Variants in ST6GALNAC3 observed in about 807,000 individuals in gnomAD.
The protein encoded by ST6GALNAC3 is alpha-N-acetylgalactosaminide alpha-2,6-sialyltransferase 3.
A neutral mutation model predicts 32.7 loss-of-function variants in ST6GALNAC3; 25 were observed. That is an observed-to-expected ratio of 0.76 (90% CI 0.56 to 1.07). The LOEUF is 1.07. ST6GALNAC3 is among the 50% of genes least tolerant of loss of function. ST6GALNAC3 has a pLI of 0.00. For missense variants in ST6GALNAC3, 355 were observed against 382.4 expected (o/e 0.93, Z 0.60); for synonymous variants, 129 against 133.1 (o/e 0.97, Z 0.21).
At chr1:76,260,509 A>G (rs1241937302) in intron 1 of ST6GALNAC3, among the ~76,000 whole-genome samples, 1 of 152,192 alleles carries the variant, frequency 6.6e-6, no homozygotes, top group Non-Finnish European at 1.5e-5. Context: ...CAGCCCTATG[A>G]GATAGGGTAT....
At position 76,630,889 on chromosome 1, in the gene ST6GALNAC3, A is replaced by G; in HGVS notation, c.*2083A>G. 1 of 985,716 alleles carries G rather than the reference A, an allele frequency of 1.0e-6. No individual in the cohort carries two copies. Among genetic ancestry groups the G allele is most frequent in the Non-Finnish European group, 1.2e-6 (1 of 829,860 alleles). 61.1% of individuals were successfully genotyped at this position (985,716 alleles called of 1,614,324 possible). On this transcript the variant is annotated 3_prime_UTR_variant, in exon 5 of 5. Coordinates refer to ENST00000328299, the MANE Select transcript of ST6GALNAC3 (RefSeq NM_152996.4). The stretch of plus-strand genomic sequence containing the variant: ...CAGAGACAAATGTTAAAATTGCCAT[A>G]CAGACTGTTTTTCCCCCTGTTGTTT...
intron 3 of ST6GALNAC3, chr1:76,576,969 A>G (rs997724336): frequency 7.8e-7 from 1 of 1,283,878 alleles, no homozygotes; most frequent in Non-Finnish European, 1.0e-6. Context: ...AAACAAACAA[A>G]ACTAAGCAAG....
intron 3 of ST6GALNAC3, among the ~76,000 whole-genome samples, chr1:76,442,417 C>T (rs1230256407): frequency 6.6e-6 from 1 of 152,182 alleles, no homozygotes; most frequent in East Asian, 1.9e-4. Context: ...TGATTTTCCA[C>T]TCTTTTGGAA....
At chr1:76,135,643 A>G (rs1293788425) in intron 1 of ST6GALNAC3, among the ~76,000 whole-genome samples, 2 of 152,166 alleles carry the variant, frequency 1.3e-5, no homozygotes, top group Non-Finnish European at 2.9e-5. Flanking sequence ...TATCCCATCT[A>G]TCATGCCATG....
At chr1:76,607,727 C>A (rs181153896) in intron 3 of ST6GALNAC3, among the ~76,000 whole-genome samples, 2 of 152,238 alleles carry the variant, frequency 1.3e-5, no homozygotes, top group Admixed American at 1.3e-4. Flanking sequence ...GGAGACAGAA[C>A]CAAAGTGCAA....
chr1:76,083,347 GGCT>G (rs1646923599), intron 1 of ST6GALNAC3, among the ~76,000 whole-genome samples: 1 of 152,246 alleles, frequency 6.6e-6, no homozygotes, highest in Non-Finnish European at 1.5e-5. Flanking sequence ...TTTGCTGCGC[GGCT>G]GGCCGCGACA....
Position 76,631,747 on chromosome 1 carries a change from G to A in ST6GALNAC3, c.*2941G>A, listed in dbSNP as rs1423808515. 6.6e-6 allele frequency: 1 copy of A among 151,846 alleles called. No homozygotes were observed. The highest frequency in any genetic ancestry group is 1.5e-5 in the Non-Finnish European group (1 of 67,926). The allele number at this position is 151,846 out of a possible 1,614,324, so 9.4% of individuals were successfully genotyped here. On this transcript the variant is annotated 3_prime_UTR_variant, in exon 5 of 5. Coordinates refer to ENST00000328299, the MANE Select transcript of ST6GALNAC3 (RefSeq NM_152996.4). Reference sequence around the variant, plus strand: ...TTCTTGGAAAATGAACTATAAAAAAGGGTCACAATTTTTCTGAAATTGGCA... The same window carrying A: ...TTCTTGGAAAATGAACTATAAAAAAAGGTCACAATTTTTCTGAAATTGGCA...
intron 1 of ST6GALNAC3, among the ~76,000 whole-genome samples, chr1:76,075,663 A>T (rs995338342): frequency 6.6e-6 from 1 of 151,124 alleles, no homozygotes; most frequent in African/African-American, 2.4e-5. Flanking sequence ...TGAGGGCCTC[A>T]CTTAAAAAGA....
At chr1:76,321,298 A>G (rs1188097266) in intron 2 of ST6GALNAC3, among the ~76,000 whole-genome samples, 3 of 152,230 alleles carry the variant, frequency 2.0e-5, no homozygotes, top group Admixed American at 6.5e-5. Context: ...TTCCCAAGAC[A>G]GAATGAGACA....
rs182910054 is a variant in ST6GALNAC3, at chr1:76,613,651, G to A, written c.624-13801G>A. On this transcript the variant is annotated intron_variant, in intron 3 of 4. Coordinates refer to ENST00000328299, the MANE Select transcript of ST6GALNAC3 (RefSeq NM_152996.4). ...TCCCCCTTGCTGTTCTCCGGACAGT[G>A]AGTGAGTTCTCACAAGACCTGGTTG... Among the ~76,000 whole-genome samples, 3 of 152,316 alleles carry A rather than the reference G, an allele frequency of 2.0e-5. No individual in the cohort carries two copies. The East Asian group carries it at 5.8e-4, about 29-fold the overall frequency.
At chr1:76,174,289 G>A (rs182535903) in intron 1 of ST6GALNAC3, among the ~76,000 whole-genome samples, 13 of 152,280 alleles carry the variant, frequency 8.5e-5, no homozygotes, top group African/African-American at 2.9e-4. Context: ...GACACAGAGA[G>A]TGGAACAATG....
intron 2 of ST6GALNAC3, among the ~76,000 whole-genome samples, chr1:76,317,230 C>T (rs1164231784): frequency 1.3e-5 from 2 of 152,158 alleles, no homozygotes; most frequent in African/African-American, 4.8e-5. Flanking sequence ...CCCACCCCTA[C>T]CACCATGTCT....
intron 1 of ST6GALNAC3, among the ~76,000 whole-genome samples, chr1:76,229,613 T>G (rs1257439582): frequency 1.3e-5 from 2 of 152,224 alleles, no homozygotes; most frequent in African/African-American, 4.8e-5. Context: ...GAGGGCCTAG[T>G]TGGGCAAGAA....
At chr1:76,566,742 A>G (rs1665577796) in intron 3 of ST6GALNAC3, among the ~76,000 whole-genome samples, 1 of 152,138 alleles carries the variant, frequency 6.6e-6, no homozygotes, top group African/African-American at 2.4e-5. Context: ...TAGCACTTAC[A>G]TTGTGATAAT....
intron 3 of ST6GALNAC3, among the ~76,000 whole-genome samples, chr1:76,605,790 A>G (rs947879190): frequency 6.5e-5 from 9 of 138,810 alleles, no homozygotes; most frequent in African/African-American, 2.4e-4. Context: ...ACTTGAACCC[A>G]AGTGGCAGAG....
At chr1:76,113,120 G>A (rs1486535473) in intron 1 of ST6GALNAC3, among the ~76,000 whole-genome samples, 3 of 152,136 alleles carry the variant, frequency 2.0e-5, no homozygotes, top group Non-Finnish European at 4.4e-5. Context: ...CGGATCACTC[G>A]CGGTTAGGAG....
Position 76,402,038 on chromosome 1 carries a change from A to ATTT in ST6GALNAC3, c.214-9963_214-9961dup, listed in dbSNP as rs10665444. ...TTCGATGGTTTAGAGATGAATTTATATTTTTTTTTGCAGCTAAGTTATTTT... is the reference window on the plus strand; with the variant it reads ...TTCGATGGTTTAGAGATGAATTTATATTTTTTTTTTTTGCAGCTAAGTTATTTT... On this transcript the variant is annotated intron_variant, in intron 2 of 4. Coordinates refer to ENST00000328299, the MANE Select transcript of ST6GALNAC3 (RefSeq NM_152996.4). 8.2e-3 allele frequency among the ~76,000 whole-genome samples: 1,232 copies of ATTT among 151,130 alleles called. 44 individuals are homozygous for ATTT. Among genetic ancestry groups the ATTT allele is most frequent in the Admixed American group, 0.059 (890 of 15,168 alleles).
chr1:76,629,914 T>C lies in ST6GALNAC3; in HGVS notation c.*1108T>C. The C allele has an allele frequency of 1.0e-6, 1 of 985,220 alleles. No individual in the cohort carries two copies. Among genetic ancestry groups the C allele is most frequent in the Non-Finnish European group, 1.2e-6 (1 of 829,802 alleles). The allele number at this position is 985,220 out of a possible 1,614,324, so 61.0% of individuals were successfully genotyped here. On this transcript the variant is annotated 3_prime_UTR_variant, in exon 5 of 5. Coordinates refer to ENST00000328299, the MANE Select transcript of ST6GALNAC3 (RefSeq NM_152996.4). ...AGGAAATGATTCCTTATATTAAACC[T>C]GACCAGAGCTTTTTGCCTTCTAGGG...
chr1:76,636,207 GAGA>G (rs1446287093), downstream of ST6GALNAC3, among the ~76,000 whole-genome samples: 2 of 152,132 alleles, frequency 1.3e-5, no homozygotes. Flanking sequence ...GGAAGCAAGA[GAGA>G]AACTGGCACA....
Sources: allele counts gnomAD v4.1 joint callset (sites outside exome capture counted in the v4.1 genomes callset), GRCh38; gene constraint gnomAD v4.1.1; transcripts MANE v1.5; gene names NCBI Gene and HGNC (gene_info 2026-07-23, HGNC 2026-07-21).